The following ASMTL variants were observed in gnomAD, a reference collection of about 807,000 sequenced individuals.
ASMTL encodes probable bifunctional dTTP/UTP pyrophosphatase/methyltransferase protein.
Under a neutral mutation model 60.3 loss-of-function variants are expected in ASMTL, and 57 were observed. The observed-to-expected ratio is 0.95, with a 90% CI of 0.76 to 1.18. ASMTL has a LOEUF of 1.18. Among genes scored for constraint, ASMTL ranks in the 50% most tolerant of loss-of-function variants. The probability of loss-of-function intolerance (pLI) is 0.00; values close to 1 mark genes in which losing one functional copy is unlikely to be tolerated. For missense variants in ASMTL, 981 were observed against 852.6 expected (o/e 1.15, Z -1.88); for synonymous variants, 419 against 373.0 (o/e 1.12, Z -1.42).
intron 9 of ASMTL, among the ~76,000 whole-genome samples, chrX:1,420,663 C>T (rs1308958709): frequency 1.6e-4 from 25 of 152,214 alleles, no homozygotes; most frequent in Admixed American, 2.6e-4. Context: ...AGGTTCTGGG[C>T]GGGGAAAGGG....
intron 11 of ASMTL, chrX:1,413,167 A>C (rs181815209): frequency 0.014 from 4,930 of 349,178 alleles, 37 homozygotes; most frequent in South Asian, 0.021. Context: ...GTTCGAGACC[A>C]GCCTGGGCAA....
chrX:1,413,158 T>C (rs766830798), intron 11 of ASMTL: 3 of 383,640 alleles, frequency 7.8e-6, no homozygotes, highest in Admixed American at 3.7e-5. Context: ...AGCTCAGGAG[T>C]TCGAGACCAG....
Position 1,427,002 on chromosome X carries a change from AAAAAAAG to A in ASMTL, c.897+725_897+731del, listed in dbSNP as rs764855594. On this transcript the variant is annotated intron_variant, in intron 7 of 12. Transcript: ENST00000381317. ...TGTCTCAAAAACAAAAACAAAAACA[AAAAAAAG>A]AGAAAAAGAAAAAAGGGTCTTTGCA... 2.0e-3 allele frequency among the ~76,000 whole-genome samples: 299 copies of A among 149,072 alleles called. 2 individuals carry two copies. Among genetic ancestry groups the A allele is most frequent in the African/African-American group, 7.0e-3 (284 of 40,718 alleles).
intron 1 of ASMTL, among the ~76,000 whole-genome samples, chrX:1,446,053 C>G (rs1346782032): frequency 2.0e-5 from 3 of 152,184 alleles, no homozygotes; most frequent in Non-Finnish European, 4.4e-5. Context: ...AGTGGTCACA[C>G]GCTCCTAGTC....
chrX:1,422,140 A>T (rs1232766673), intron 8 of ASMTL, among the ~76,000 whole-genome samples: 2 of 152,084 alleles, frequency 1.3e-5, no homozygotes, highest in Admixed American at 1.3e-4. Flanking sequence ...TTTCTTCATG[A>T]TCGTGGCCAC....
At chrX:1,452,187 C>CGGCTT (rs1370516356) in intron 1 of ASMTL, among the ~76,000 whole-genome samples, 1 of 145,038 alleles carries the variant, frequency 6.9e-6, no homozygotes, top group Non-Finnish European at 1.5e-5. Flanking sequence ...CTGGGGGTCT[C>CGGCTT]GGCTTACTCT....
chrX:1,404,772 GATGA>G (rs1173477066), intron 12 of ASMTL, among the ~76,000 whole-genome samples: 5 of 151,770 alleles, frequency 3.3e-5, no homozygotes, highest in Admixed American at 6.6e-5. Flanking sequence ...CAGGTAGATA[GATGA>G]ATGGATGGAT....
chrX:1,420,632 T>C (rs2090458982), intron 9 of ASMTL, among the ~76,000 whole-genome samples: 4 of 151,800 alleles, frequency 2.6e-5, no homozygotes, highest in African/African-American at 9.7e-5. Context: ...CCCCACCATA[T>C]CTCACACGTC....
intron 5 of ASMTL, among the ~76,000 whole-genome samples, chrX:1,433,174 G>A (rs2090856284): frequency 6.6e-6 from 1 of 152,090 alleles, no homozygotes; most frequent in South Asian, 2.1e-4. Flanking sequence ...GAATCCCGGG[G>A]AATCTGTTGA....
intron 9 of ASMTL, among the ~76,000 whole-genome samples, chrX:1,419,809 C>T (rs2090423630): frequency 1.3e-5 from 2 of 152,226 alleles, no homozygotes; most frequent in Admixed American, 1.3e-4. Flanking sequence ...GGGTGGCAAT[C>T]ATGGGGCTCA....
chrX:1,438,980 T>C (rs1167664450), intron 3 of ASMTL, 117 bp downstream of exon 3: 33 of 1,155,826 alleles, frequency 2.9e-5, no homozygotes, highest in Non-Finnish European at 4.1e-5. Flanking sequence ...TGGGAGTTTC[T>C]GGAAGCGAGT....
upstream of ASMTL, among the ~76,000 whole-genome samples, chrX:1,453,432 T>G (rs1173035861): frequency 6.9e-6 from 1 of 145,702 alleles, no homozygotes. Flanking sequence ...CCCCCGGCGC[T>G]CGCCCCGCCC....
In ASMTL at chrX:1,435,770, A is replaced by G. The variant is rs202105057; in HGVS notation, c.274-12T>C. On this transcript the variant is annotated splice_polypyrimidine_tract_variant and intron_variant, in intron 3 of 12. Transcript: ENST00000381317. ...AGCCCCCCGACTGTCTGTGAGAGGA[A>G]GGGACAGAGGGAGTTGGTTCCCACC... 7.0e-5 allele frequency: 113 copies of G among 1,612,440 alleles called. No individual in the cohort carries two copies. The highest frequency in any genetic ancestry group is 9.2e-5 in the Non-Finnish European group (108 of 1,178,900).
In ASMTL at chrX:1,417,956, A is replaced by C; in HGVS notation, c.1522+17T>G. On this transcript the variant is annotated intron_variant, in intron 11 of 12. Coordinates refer to ENST00000381317, the MANE Select transcript of ASMTL (RefSeq NM_004192.4). ...AGTCTGGAAAAGGTTAGCAGGGTGA[A>C]CAGGAGGAGGGCTCACCTGCTGCGA... 6.3e-7 allele frequency: 1 copy of C among 1,593,726 alleles called. No individual in the cohort carries two copies. Among genetic ancestry groups the C allele is most frequent in the Non-Finnish European group, 8.6e-7 (1 of 1,166,520 alleles).
intron 12 of ASMTL, among the ~76,000 whole-genome samples, chrX:1,411,868 G>A (rs183646932): frequency 8.3e-4 from 118 of 141,542 alleles, no homozygotes; most frequent in African/African-American, 2.4e-3. Context: ...GCTGGAGTGC[G>A]GTGGCGCAGT....
chrX:1,431,273 A>G (rs1276178588), intron 6 of ASMTL, among the ~76,000 whole-genome samples: 46 of 128,662 alleles, frequency 3.6e-4, no homozygotes, highest in African/African-American at 1.0e-3. Context: ...TTATATATTT[A>G]TATATAAATA....
intron 7 of ASMTL, 67 bp downstream of exon 7, chrX:1,427,667 C>A (rs1699705550): frequency 6.7e-7 from 1 of 1,496,406 alleles, no homozygotes; most frequent in Admixed American, 1.9e-5. Flanking sequence ...AAGTAAATTC[C>A]CTTTGATTTA....
intron 11 of ASMTL, 113 bp from the exon 12 acceptor site, chrX:1,412,967 G>C (rs752079063): frequency 6.7e-6 from 8 of 1,194,070 alleles, no homozygotes; most frequent in Non-Finnish European, 9.9e-6. Flanking sequence ...GAAGAGAGGG[G>C]TGTGGGCGGG....
In ASMTL at chrX:1,415,686, G is replaced by C. The variant is rs368813948; in HGVS notation, c.1522+2287C>G. ...TCGCCATGTTGGCCAGGCTGGTCTC[G>C]AACTCCTGACCACAGGGGATCCGCC... On this transcript the variant is annotated intron_variant, in intron 11 of 12. Coordinates refer to ENST00000381317, the MANE Select transcript of ASMTL (RefSeq NM_004192.4). 2.6e-5 allele frequency among the ~76,000 whole-genome samples: 4 copies of C among 151,470 alleles called. No homozygotes were observed. In the South Asian group the frequency reaches 8.3e-4, roughly 32 times the overall value.
Sources: gnomAD v4.1 joint callset for allele counts (sites outside exome capture counted in the v4.1 genomes callset) on GRCh38, gnomAD v4.1.1 for gene constraint, MANE v1.5 for transcripts, NCBI Gene and HGNC (gene_info 2026-07-23, HGNC 2026-07-21) for gene names.